UBE3C: variants seen among roughly 807,000 people sequenced by gnomAD.
UBE3C encodes ubiquitin protein ligase E3C.
A neutral mutation model predicts 129.4 loss-of-function variants in UBE3C; 42 were observed. The ratio of observed to expected loss-of-function variants is 0.32; its 90% CI spans 0.25 to 0.42. The LOEUF is 0.42. Among genes scored for constraint, UBE3C ranks in the 10% least tolerant of loss-of-function variants. The pLI is 1.00. For missense variants in UBE3C, 1,049 were observed against 1,319.1 expected, an observed-to-expected ratio of 0.80 and a Z score of 3.17; for synonymous variants, 510 against 492.4, an observed-to-expected ratio of 1.04 and a Z score of -0.47.
intron 10 of UBE3C, among the ~76,000 whole-genome samples, chr7:157,189,597 T>TGCCCACTCAGCCCCGCGGC (rs1427679984): frequency 2.0e-5 from 3 of 152,210 alleles, no homozygotes; most frequent in Non-Finnish European, 4.4e-5. Flanking sequence ...AGGCCTGCGG[T>TGCCCACTCAGCCCCGCGGC]GCCCACTCAG....
At chr7:157,256,866 G>C in intron 21 of UBE3C, 48 bp from the exon 22 acceptor site, 1 of 1,610,018 alleles carries the variant, frequency 6.2e-7, no homozygotes, top group South Asian at 1.1e-5. Flanking sequence ...GGTCCTGAAG[G>C]GTGGGTGTGC....
intron 16 of UBE3C, among the ~76,000 whole-genome samples, chr7:157,223,710 A>G (rs1795798985): frequency 6.6e-6 from 1 of 152,122 alleles, no homozygotes; most frequent in African/African-American, 2.4e-5. Context: ...GATCGAGCCC[A>G]TGAGTTTAAG....
chr7:157,219,523 G>C (rs1157184999), intron 14 of UBE3C, among the ~76,000 whole-genome samples: 1 of 152,186 alleles, frequency 6.6e-6, no homozygotes, highest in Non-Finnish European at 1.5e-5. Context: ...GGGGTTAGAA[G>C]TACATCTTTA....
chr7:157,172,538 C>A (rs1808405890), intron 4 of UBE3C, among the ~76,000 whole-genome samples: 1 of 152,094 alleles, frequency 6.6e-6, no homozygotes, highest in Non-Finnish European at 1.5e-5. Context: ...CCCAGCATTG[C>A]CTCCAGAGTT....
chr7:157,269,267 G>A lies in UBE3C; in HGVS notation c.*1512G>A, dbSNP rs527506565. 1 of 152,420 alleles carries A rather than the reference G, an allele frequency of 6.6e-6. No individual in the cohort carries two copies. The highest frequency in any genetic ancestry group is 1.5e-5 in the Non-Finnish European group (1 of 68,020). The allele number at this position is 152,420 out of a possible 1,614,324, so 9.4% of individuals were successfully genotyped here. On this transcript the variant is annotated 3_prime_UTR_variant, in exon 23 of 23. Coordinates refer to ENST00000348165, the MANE Select transcript of UBE3C (RefSeq NM_014671.3). ...GCATATCTGAGACTGAAGAGAAATT[G>A]ACAATTCACTTATTTGTGGTTTTTT...
In UBE3C at chr7:157,153,894, G is replaced by C. The variant is rs1002776974; in HGVS notation, c.67-9916G>C. 1.6e-4 allele frequency among the ~76,000 whole-genome samples: 24 copies of C among 152,248 alleles called. No homozygotes were observed. The South Asian group carries it at 1.7e-3, about 11-fold the overall frequency. On this transcript the variant is annotated intron_variant, in intron 1 of 22. Coordinates refer to ENST00000348165, the MANE Select transcript of UBE3C (RefSeq NM_014671.3). The stretch of plus-strand genomic sequence containing the variant: ...TGTGGTTTCAGTTACTCGGGAGGCT[G>C]AGGTGGGAGGACGGCTTGGTGGGGC...
At chr7:157,142,534 G>A (rs1807482685) in intron 1 of UBE3C, among the ~76,000 whole-genome samples, 2 of 152,180 alleles carry the variant, frequency 1.3e-5, no homozygotes, top group Admixed American at 6.6e-5. Flanking sequence ...GGTGTAATTA[G>A]GATGGGTGGA....
rs114919572 is a variant in UBE3C, at chr7:157,152,658, C to T, written c.67-11152C>T. On this transcript the variant is annotated intron_variant, in intron 1 of 22. Coordinates refer to ENST00000348165, the MANE Select transcript of UBE3C (RefSeq NM_014671.3). Reference sequence around the variant, plus strand: ...GGAGGAAGAAATCAAGGCCTGGAGTCCAAATAATTTAGCAAAACCCCCAAC... The same window carrying T: ...GGAGGAAGAAATCAAGGCCTGGAGTTCAAATAATTTAGCAAAACCCCCAAC... 5.5e-3 allele frequency among the ~76,000 whole-genome samples: 844 copies of T among 152,220 alleles called. 5 individuals carry two copies. Among genetic ancestry groups the T allele is most frequent in the African/African-American group, 0.019 (770 of 41,518 alleles).
At chr7:157,185,273 C>A (rs1029344641) in intron 9 of UBE3C, among the ~76,000 whole-genome samples, 1 of 152,236 alleles carries the variant, frequency 6.6e-6, no homozygotes, top group Non-Finnish European at 1.5e-5. Flanking sequence ...CGGGAAATCA[C>A]CTGCAGGCTC....
At chr7:157,206,702 C>A (rs1162122664) in intron 11 of UBE3C, among the ~76,000 whole-genome samples, 1 of 152,140 alleles carries the variant, frequency 6.6e-6, no homozygotes, top group Non-Finnish European at 1.5e-5. Context: ...CATTCTCCTG[C>A]CTCAGCCTCC....
At chr7:157,143,621 G>T (rs889514160) in intron 1 of UBE3C, among the ~76,000 whole-genome samples, 1 of 152,158 alleles carries the variant, frequency 6.6e-6, no homozygotes, top group Non-Finnish European at 1.5e-5. Context: ...CCTGGGTCAT[G>T]TTTCCACCTG....
At chr7:157,196,642 T>A (rs1452618723) in intron 10 of UBE3C, among the ~76,000 whole-genome samples, 1 of 152,208 alleles carries the variant, frequency 6.6e-6, no homozygotes. Flanking sequence ...GATTTTAAAA[T>A]GCTGTTGCTG....
intron 5 of UBE3C, among the ~76,000 whole-genome samples, chr7:157,176,033 G>C (rs1158560367): frequency 6.6e-6 from 1 of 152,192 alleles, no homozygotes; most frequent in Non-Finnish European, 1.5e-5. Context: ...GGCTGGTTTG[G>C]CCTGTGGGTT....
intron 10 of UBE3C, among the ~76,000 whole-genome samples, chr7:157,200,310 G>A (rs1304174150): frequency 2.0e-5 from 3 of 151,986 alleles, no homozygotes; most frequent in Non-Finnish European, 4.4e-5. Flanking sequence ...TAAGAATGGA[G>A]TTTAGTTGTT....
intron 10 of UBE3C, among the ~76,000 whole-genome samples, chr7:157,188,329 G>A (rs747500001): frequency 1.3e-5 from 2 of 152,200 alleles, no homozygotes; most frequent in South Asian, 2.1e-4. Context: ...GGAACCCATC[G>A]GTTGAAATGG....
chr7:157,244,237 A>G (rs568829953), intron 18 of UBE3C, among the ~76,000 whole-genome samples: 1 of 152,214 alleles, frequency 6.6e-6, no homozygotes, highest in Admixed American at 6.5e-5. Context: ...CCGTCTCGAA[A>G]AAAAAGAAAG....
intron 10 of UBE3C, chr7:157,192,864 A>T: frequency 9.9e-6 from 2 of 201,716 alleles, no homozygotes; most frequent in Non-Finnish European, 1.9e-5. Flanking sequence ...ACATGAACTT[A>T]AAAAAAAAAA....
chr7:157,171,687 T>TAA (rs1491094674), intron 4 of UBE3C, among the ~76,000 whole-genome samples: 1 of 6,178 alleles, frequency 1.6e-4, no homozygotes, highest in Admixed American at 2.8e-3. Flanking sequence ...TATATATATA[T>TAA]TTTTTTTTTT....
chr7:157,223,966 T>A (rs1199804235), intron 16 of UBE3C, among the ~76,000 whole-genome samples: 1 of 152,120 alleles, frequency 6.6e-6, no homozygotes. Context: ...GCAAATTTTT[T>A]GTGAAGATAT....
Sources: gnomAD v4.1 joint callset for allele counts (sites outside exome capture counted in the v4.1 genomes callset) on GRCh38, gnomAD v4.1.1 for gene constraint, MANE v1.5 for transcripts, NCBI Gene and HGNC (gene_info 2026-07-23, HGNC 2026-07-21) for gene names.